The following ELFN1 variants were observed in gnomAD, a reference collection of about 807,000 sequenced individuals.
ELFN1 encodes protein ELFN1.
A neutral mutation model predicts 7.6 loss-of-function variants in ELFN1; 6 were observed. The observed-to-expected ratio is 0.79, with a 90% CI of 0.43 to 1.56. The LOEUF (loss-of-function observed/expected upper bound fraction) is 1.56, where lower values mean the gene tolerates loss of function less well. ELFN1 is among the 40% of genes most tolerant of loss of function. The probability of loss-of-function intolerance (pLI) is 0.01; values close to 1 mark genes in which losing one functional copy is unlikely to be tolerated. For synonymous variants in ELFN1, 657 were observed against 588.1 expected (o/e 1.12, Z -1.70); for missense variants, 1,169 against 1,232.2 (o/e 0.95, Z 0.77).
chr7:1,684,850 C>T (rs1779037037), intron 1 of ELFN1, among the ~76,000 whole-genome samples: 1 of 152,028 alleles, frequency 6.6e-6, no homozygotes, highest in East Asian at 1.9e-4. Context: ...TTGCTTTATA[C>T]AATCTTATGT....
intron 3 of ELFN1, among the ~76,000 whole-genome samples, chr7:1,728,529 C>T (rs980639000): frequency 6.6e-6 from 1 of 152,196 alleles, no homozygotes; most frequent in South Asian, 2.1e-4. Context: ...AGCCACTGCC[C>T]CAGCGCTCAG....
intron 2 of ELFN1, chr7:1,693,615 C>T (rs889959623): frequency 1.5e-5 from 7 of 471,104 alleles, no homozygotes; most frequent in African/African-American, 1.0e-4. Flanking sequence ...GCTGTGTGAA[C>T]ACCTCCGGCG....
chr7:1,718,801 C>T (rs1367363337), intron 3 of ELFN1, among the ~76,000 whole-genome samples: 1 of 152,114 alleles, frequency 6.6e-6, no homozygotes, highest in African/African-American at 2.4e-5. Flanking sequence ...GTTCAGATTC[C>T]CTCTCGCCCA....
In ELFN1 at chr7:1,710,289, T is replaced by C. The variant is rs557128329; in HGVS notation, c.-294+1037T>C. On this transcript the variant is annotated intron_variant, in intron 3 of 3. Transcript: ENST00000424383. ...ATTACATGGGGGGACAGACAATCTG[T>C]CTAGAACCTCCCAAGGCTTGCCTTT... Among the ~76,000 whole-genome samples, 9 of 152,352 alleles carry C rather than the reference T, an allele frequency of 5.9e-5. No homozygotes were observed. In the South Asian group the frequency reaches 1.9e-3, roughly 32 times the overall value.
chr7:1,696,868 A>G (rs900715273), intron 2 of ELFN1, among the ~76,000 whole-genome samples: 1 of 152,174 alleles, frequency 6.6e-6, no homozygotes, highest in African/African-American at 2.4e-5. Context: ...CACTGCCCTT[A>G]AGGAGCTGAG....
intron 3 of ELFN1, among the ~76,000 whole-genome samples, chr7:1,727,336 T>C (rs557593066): frequency 3.9e-5 from 6 of 152,324 alleles, no homozygotes; most frequent in African/African-American, 1.4e-4. Flanking sequence ...GGTTATCTCC[T>C]GAGGCTTTTA....
At chr7:1,701,765 T>C (rs1427621052) in intron 2 of ELFN1, among the ~76,000 whole-genome samples, 1 of 152,198 alleles carries the variant, frequency 6.6e-6, no homozygotes, top group Non-Finnish European at 1.5e-5. Context: ...ATTATGCCAC[T>C]GCATTCCAGC....
Position 1,745,914 on chromosome 7 carries a change from C to T in ELFN1, c.1318C>T (p.Leu440=). 6.3e-7 allele frequency: 1 copy of T among 1,576,622 alleles called. No individual in the cohort carries two copies. The highest frequency in any genetic ancestry group is 1.2e-5 in the South Asian group (1 of 86,340). The change falls in exon 4 of 4, where the codon CTG becomes TTG. Residue 440 remains leucine (L), a synonymous_variant. Coordinates refer to ENST00000424383, the MANE Select transcript of ELFN1 (RefSeq NM_001128636.4). The stretch of plus-strand genomic sequence containing the variant: ...GGTGCTGGGCGCCGTCTACTACTGC[C>T]TGCGCAGGCGGCGGCGCCAGGAGGA... ...VLVLGAVYYC[L]RRRRRQEEKH... is the part of the protein sequence containing the mutation.
chr7:1,677,100 T>G (rs922853186), intron 1 of ELFN1, among the ~76,000 whole-genome samples: 2 of 152,204 alleles, frequency 1.3e-5, no homozygotes, highest in African/African-American at 4.8e-5. Flanking sequence ...GCTACATTCC[T>G]ATAGAGAAAA....
rs190758027 is a variant in ELFN1, at chr7:1,681,196, A to G, written c.-548-6862A>G. 3.3e-5 allele frequency among the ~76,000 whole-genome samples: 5 copies of G among 152,294 alleles called. No homozygotes were observed. The East Asian group carries it at 7.7e-4, about 24-fold the overall frequency. On this transcript the variant is annotated intron_variant, in intron 1 of 3. Coordinates refer to ENST00000424383, the MANE Select transcript of ELFN1 (RefSeq NM_001128636.4). ...AGTAGTTGTTGGTTTTTATTGCTGAATAGTATTCTATTGTATTGCTAGACC... is the reference window on the plus strand; with the variant it reads ...AGTAGTTGTTGGTTTTTATTGCTGAGTAGTATTCTATTGTATTGCTAGACC...
upstream of ELFN1, among the ~76,000 whole-genome samples, chr7:1,666,459 G>C (rs1043112625): frequency 2.0e-5 from 3 of 152,008 alleles, no homozygotes; most frequent in African/African-American, 7.2e-5. The surrounding 1 kb of genome is among the most constrained non-coding windows in gnomAD (Gnocchi z 7.9). Flanking sequence ...CACCCACCCA[G>C]GTTCGGAGGC....
chr7:1,669,952 AG>A (rs1379367737), upstream of ELFN1, among the ~76,000 whole-genome samples: 5 of 140,172 alleles, frequency 3.6e-5, no homozygotes, highest in African/African-American at 1.3e-4. Flanking sequence ...TGCGCTTTCT[AG>A]GACCTCCCCT....
At chr7:1,671,466 C>A (rs914013796) in intron 1 of ELFN1, among the ~76,000 whole-genome samples, 1 of 152,242 alleles carries the variant, frequency 6.6e-6, no homozygotes, top group Non-Finnish European at 1.5e-5. Flanking sequence ...CCGCTCATTC[C>A]CTCGATTGGG....
chr7:1,693,975 G>T (rs749039292), intron 2 of ELFN1: 1 of 382,306 alleles, frequency 2.6e-6, no homozygotes, highest in Non-Finnish European at 5.4e-6. Context: ...AGGGCGATTG[G>T]AGCAATACAG....
At chr7:1,737,894 C>T (rs1780494177) in intron 3 of ELFN1, among the ~76,000 whole-genome samples, 1 of 152,228 alleles carries the variant, frequency 6.6e-6, no homozygotes, top group Non-Finnish European at 1.5e-5. Context: ...GTGTCTGTCC[C>T]CCTGATCAGC....
In ELFN1 at chr7:1,673,098, C is replaced by G. The variant is rs1290966183; in HGVS notation, c.-549+2744C>G. Among the ~76,000 whole-genome samples the G allele has an allele frequency of 1.3e-5, 2 of 151,394 alleles. No homozygotes were observed. Among genetic ancestry groups the G allele is most frequent in the African/African-American group, 4.8e-5 (2 of 41,242 alleles). ...CATCTCTCCAGCGCCCCCCCCCGCTCTTTCCTTTTTGTTTTTGTTGTGGAT... is the reference window on the plus strand; with the variant it reads ...CATCTCTCCAGCGCCCCCCCCCGCTGTTTCCTTTTTGTTTTTGTTGTGGAT... On this transcript the variant is annotated intron_variant, in intron 1 of 3. Transcript: ENST00000424383. This position sits in a 1 kb window ranked among gnomAD's most constrained non-coding sequence, Gnocchi z 4.7.
intron 3 of ELFN1, among the ~76,000 whole-genome samples, 200 bp downstream of exon 3, chr7:1,709,452 C>T (rs538663411): frequency 1.5e-4 from 23 of 152,162 alleles, no homozygotes; most frequent in Non-Finnish European, 2.5e-4. Context: ...GGACAGAGGC[C>T]GCAGGGGTGG....
chr7:1,728,154 C>T (rs1193350540), intron 3 of ELFN1, among the ~76,000 whole-genome samples: 1 of 50,600 alleles, frequency 2.0e-5, no homozygotes, highest in Non-Finnish European at 3.7e-5. Context: ...ACAGGCTTTC[C>T]CTTAGGGCGC....
chr7:1,716,719 G>C (rs1583357430), intron 3 of ELFN1, among the ~76,000 whole-genome samples: 1 of 152,214 alleles, frequency 6.6e-6, no homozygotes, highest in Non-Finnish European at 1.5e-5. Context: ...CAGGACTGCA[G>C]CCGCACTCCC....
Sources: allele counts gnomAD v4.1 joint callset (sites outside exome capture counted in the v4.1 genomes callset), GRCh38; gene constraint gnomAD v4.1.1; non-coding constraint Gnocchi (gnomAD v3.1); transcripts MANE v1.5; gene names NCBI Gene and HGNC (gene_info 2026-07-23, HGNC 2026-07-21).